NKAIN3: variants seen among roughly 807,000 people sequenced by gnomAD.
NKAIN3 encodes sodium/potassium transporting ATPase interacting 3.
Under a neutral mutation model 30.2 loss-of-function variants are expected in NKAIN3, and 25 were observed. The ratio of observed to expected loss-of-function variants is 0.83; its 90% CI spans 0.60 to 1.16. NKAIN3 has a LOEUF of 1.16. Among genes scored for constraint, NKAIN3 ranks in the 50% most tolerant of loss-of-function variants. The pLI is 0.00. For synonymous variants in NKAIN3, 91 were observed against 89.6 expected, an observed-to-expected ratio of 1.02 and a Z score of -0.09; for missense variants, 225 against 254.1, an observed-to-expected ratio of 0.89 and a Z score of 0.78.
At chr8:62,837,188 T>C (rs1586251862) in intron 4 of NKAIN3, among the ~76,000 whole-genome samples, 1 of 152,186 alleles carries the variant, frequency 6.6e-6, no homozygotes, top group African/African-American at 2.4e-5. Flanking sequence ...TCTTTCTGTC[T>C]TCTCAAACTT....
Position 62,965,445 on chromosome 8 carries a change from C to A in NKAIN3, c.*38C>A, listed in dbSNP as rs758166260. The stretch of plus-strand genomic sequence containing the variant: ...CATTGACTGCGCGCCTCGGTGGATC[C>A]GACCCGCCTGACATTCCTTCCAGAG... On this transcript the variant is annotated 3_prime_UTR_variant, in exon 7 of 7. Transcript: ENST00000623646. 9 of 985,554 alleles carry A rather than the reference C, an allele frequency of 9.1e-6. No individual in the cohort carries two copies. Among genetic ancestry groups the A allele is most frequent in the Non-Finnish European group, 1.1e-5 (9 of 829,900 alleles). 61.1% of individuals were successfully genotyped at this position (985,554 alleles called of 1,614,324 possible).
At chr8:62,552,670 A>G (rs1809252813) in intron 1 of NKAIN3, among the ~76,000 whole-genome samples, 1 of 152,158 alleles carries the variant, frequency 6.6e-6, no homozygotes, top group African/African-American at 2.4e-5. Flanking sequence ...GTACACTTTC[A>G]GTTGCCAGCC....
chr8:62,515,281 TAAAA>T (rs965250247), intron 1 of NKAIN3, among the ~76,000 whole-genome samples: 3 of 152,180 alleles, frequency 2.0e-5, no homozygotes, highest in African/African-American at 7.2e-5. Context: ...AGTTAGCAAA[TAAAA>T]AGTATATATA....
intron 3 of NKAIN3, among the ~76,000 whole-genome samples, chr8:62,708,054 T>C (rs945462096): frequency 6.6e-6 from 1 of 152,214 alleles, no homozygotes; most frequent in Non-Finnish European, 1.5e-5. Context: ...GGTTTATTTA[T>C]GGGTTCTCTA....
chr8:62,341,812 T>C (rs1436014888), intron 1 of NKAIN3, among the ~76,000 whole-genome samples: 3 of 152,040 alleles, frequency 2.0e-5, no homozygotes, highest in Non-Finnish European at 4.4e-5. Context: ...TGTGTTTCTC[T>C]TTTTCACTTT....
At chr8:62,756,406 T>C (rs945341982) in intron 4 of NKAIN3, among the ~76,000 whole-genome samples, 2 of 152,300 alleles carry the variant, frequency 1.3e-5, no homozygotes, top group African/African-American at 2.4e-5. Context: ...CAGAACTTCC[T>C]TTTTTATGGC....
intron 1 of NKAIN3, among the ~76,000 whole-genome samples, chr8:62,348,658 T>G (rs1309654162): frequency 3.3e-5 from 5 of 152,192 alleles, no homozygotes; most frequent in African/African-American, 1.2e-4. Context: ...TGGAGTAATT[T>G]GGCTTACTCT....
chr8:62,341,503 ACT>A (rs1436568254), intron 1 of NKAIN3, among the ~76,000 whole-genome samples: 1 of 151,870 alleles, frequency 6.6e-6, no homozygotes, highest in Non-Finnish European at 1.5e-5. Flanking sequence ...CTACTTGGTG[ACT>A]CTTTCTGTCA....
At chr8:62,502,772 T>A (rs1807501036) in intron 1 of NKAIN3, among the ~76,000 whole-genome samples, 1 of 152,218 alleles carries the variant, frequency 6.6e-6, no homozygotes, top group Non-Finnish European at 1.5e-5. Context: ...TGGGCACAGA[T>A]GTTCCTCTGG....
At chr8:62,357,615 A>G (rs1037682542) in intron 1 of NKAIN3, among the ~76,000 whole-genome samples, 3 of 152,160 alleles carry the variant, frequency 2.0e-5, no homozygotes, top group Admixed American at 6.5e-5. Flanking sequence ...TATTGCTCTG[A>G]GAAAGGCACA....
At chr8:62,276,102 G>T (rs139372000) in intron 1 of NKAIN3, among the ~76,000 whole-genome samples, 2 of 152,106 alleles carry the variant, frequency 1.3e-5, no homozygotes, top group South Asian at 4.2e-4. Context: ...GTCTCCCTCT[G>T]TCACCCAGGC....
chr8:62,779,432 T>A (rs1413590567), intron 4 of NKAIN3, among the ~76,000 whole-genome samples: 1 of 152,088 alleles, frequency 6.6e-6, no homozygotes, highest in African/African-American at 2.4e-5. Flanking sequence ...TTATAAATGC[T>A]CCCTACATGG....
chr8:62,857,128 A>G (rs1481374274), intron 4 of NKAIN3: 1 of 374,334 alleles, frequency 2.7e-6, no homozygotes, highest in Non-Finnish European at 5.1e-6. Flanking sequence ...ACCAACTTGG[A>G]CCAGAAATTC....
intron 1 of NKAIN3, among the ~76,000 whole-genome samples, chr8:62,446,259 C>G (rs944149704): frequency 1.3e-5 from 2 of 152,038 alleles, no homozygotes; most frequent in Admixed American, 1.3e-4. Context: ...AGCATATGAT[C>G]AGACACGATT....
In NKAIN3 at chr8:62,976,528, A is replaced by G. The variant is rs562627396; in HGVS notation, c.*11121A>G. Among the ~76,000 whole-genome samples the G allele has an allele frequency of 2.6e-5, 4 of 151,726 alleles. No homozygotes were observed. The South Asian group carries it at 6.2e-4, about 24-fold the overall frequency. ...CAACCCCTGCTTTTTTTTGCTTTCCATTTGCCTGGTAAATATCTCTCCATC... is the reference window on the plus strand; with the variant it reads ...CAACCCCTGCTTTTTTTTGCTTTCCGTTTGCCTGGTAAATATCTCTCCATC... On this transcript the variant is annotated 3_prime_UTR_variant, in exon 7 of 7. Coordinates refer to ENST00000623646, the MANE Select transcript of NKAIN3 (RefSeq NM_001304533.3).
chr8:62,570,908 A>C (rs1809914920), intron 1 of NKAIN3, among the ~76,000 whole-genome samples: 1 of 152,178 alleles, frequency 6.6e-6, no homozygotes, highest in South Asian at 2.1e-4. Flanking sequence ...AATCCTAAGA[A>C]AGCATTTGAT....
chr8:62,509,726 T>A (rs1807761306), intron 1 of NKAIN3, among the ~76,000 whole-genome samples: 1 of 152,170 alleles, frequency 6.6e-6, no homozygotes, highest in African/African-American at 2.4e-5. Context: ...TTCTTTCTTA[T>A]CGTAACTCTC....
intron 1 of NKAIN3, among the ~76,000 whole-genome samples, chr8:62,494,139 A>G (rs1807158766): frequency 6.6e-6 from 1 of 152,134 alleles, no homozygotes; most frequent in Admixed American, 6.6e-5. Context: ...TTTCCAATTC[A>G]TTATGATGCT....
At chr8:62,840,772 G>A (rs895558912) in intron 4 of NKAIN3, among the ~76,000 whole-genome samples, 5 of 152,060 alleles carry the variant, frequency 3.3e-5, no homozygotes, top group African/African-American at 1.2e-4. Context: ...ATATAACTAT[G>A]GCAAAGGAAG....
Sources: allele counts gnomAD v4.1 joint callset (sites outside exome capture counted in the v4.1 genomes callset), GRCh38; gene constraint gnomAD v4.1.1; transcripts MANE v1.5; gene names NCBI Gene and HGNC (gene_info 2026-07-23, HGNC 2026-07-21).